The following AKAP6 variants were observed in gnomAD, a reference collection of about 807,000 sequenced individuals.
AKAP6 encodes the protein A-kinase anchoring protein 6.
In AKAP6, 58 loss-of-function variants were observed where a neutral mutation model predicts 188.5. That is an observed-to-expected ratio of 0.31 (90% CI 0.25 to 0.38). The LOEUF is 0.38. AKAP6 is among the 10% of genes least tolerant of loss of function. The pLI, the probability that AKAP6 is intolerant of heterozygous loss-of-function variation, is 1.00. For synonymous variants in AKAP6, 989 were observed against 998.6 expected (o/e 0.99, Z 0.18); for missense variants, 2,710 against 2,740.0 (o/e 0.99, Z 0.24).
chr14:32,686,955 A>G (rs1889952004), intron 8 of AKAP6, among the ~76,000 whole-genome samples: 1 of 152,194 alleles, frequency 6.6e-6, no homozygotes, highest in East Asian at 1.9e-4. Context: ...ACACAGGAAT[A>G]GTTCATCCCT....
intron 11 of AKAP6, among the ~76,000 whole-genome samples, chr14:32,760,118 A>G (rs1328716203): frequency 6.6e-6 from 1 of 152,118 alleles, no homozygotes; most frequent in Non-Finnish European, 1.5e-5. Context: ...GAGACCAAAC[A>G]AGGTTGTTTC....
At chr14:32,587,949 CA>C (rs1885322562) in intron 5 of AKAP6, among the ~76,000 whole-genome samples, 1 of 152,106 alleles carries the variant, frequency 6.6e-6, no homozygotes, top group Admixed American at 6.5e-5. Flanking sequence ...CAGTGAGTAT[CA>C]GGGGTACATG....
chr14:32,646,903 G>A (rs1225112766), intron 7 of AKAP6, among the ~76,000 whole-genome samples: 1 of 152,048 alleles, frequency 6.6e-6, no homozygotes, highest in Non-Finnish European at 1.5e-5. Flanking sequence ...TTTGTATATA[G>A]ACAAGTTAAA....
chr14:32,430,922 C>G (rs1890198647), intron 1 of AKAP6, among the ~76,000 whole-genome samples: 1 of 151,944 alleles, frequency 6.6e-6, no homozygotes. Flanking sequence ...CTGGATAACA[C>G]AGTGAAACCC....
In AKAP6 at chr14:32,719,419, T is replaced by A. The variant is rs568546695; in HGVS notation, c.3001-13035T>A. Reference sequence around the variant, plus strand: ...TTCAGCCTTTATTTAGGCAACTGATTCTCATAGATTTCAAAAGTCACCATG... The same window carrying A: ...TTCAGCCTTTATTTAGGCAACTGATACTCATAGATTTCAAAAGTCACCATG... On this transcript the variant is annotated intron_variant, in intron 9 of 13. Coordinates refer to ENST00000280979, the MANE Select transcript of AKAP6 (RefSeq NM_004274.5). 7.2e-5 allele frequency among the ~76,000 whole-genome samples: 11 copies of A among 152,284 alleles called. No individual in the cohort carries two copies. In the South Asian group the frequency reaches 2.3e-3, roughly 32 times the overall value.
At chr14:32,439,702 A>G (rs541823733) in intron 2 of AKAP6, among the ~76,000 whole-genome samples, 10 of 152,304 alleles carry the variant, frequency 6.6e-5, no homozygotes, top group Non-Finnish European at 1.0e-4. Context: ...ATTCATGGGC[A>G]TATCTAAAAC....
At chr14:32,817,632 G>T (rs2034421031) in intron 12 of AKAP6, among the ~76,000 whole-genome samples, 1 of 151,992 alleles carries the variant, frequency 6.6e-6, no homozygotes, top group South Asian at 2.1e-4. Context: ...TGGAATTGCA[G>T]GCTGTCTTTT....
chr14:32,437,175 C>T (rs941344382), intron 2 of AKAP6, among the ~76,000 whole-genome samples: 3 of 152,154 alleles, frequency 2.0e-5, no homozygotes, highest in South Asian at 2.1e-4. Flanking sequence ...CCCATTGTTA[C>T]ATGGCAGATT....
At chr14:32,815,660 A>G (rs1251373198) in intron 12 of AKAP6, among the ~76,000 whole-genome samples, 2 of 152,180 alleles carry the variant, frequency 1.3e-5, no homozygotes, top group Non-Finnish European at 2.9e-5. Flanking sequence ...AGATTAGTCA[A>G]CCAACCTCCA....
At chr14:32,544,186 C>T (rs1883083805) in intron 3 of AKAP6, among the ~76,000 whole-genome samples, 1 of 152,096 alleles carries the variant, frequency 6.6e-6, no homozygotes, top group African/African-American at 2.4e-5. Context: ...AGTTCTTCCT[C>T]CAGAAAAAAA....
At chr14:32,451,201 A>T (rs1890924052) in intron 2 of AKAP6, among the ~76,000 whole-genome samples, 1 of 152,200 alleles carries the variant, frequency 6.6e-6, no homozygotes, top group Non-Finnish European at 1.5e-5. Context: ...AAAATAAGAT[A>T]TTTTGTTGCT....
chr14:32,493,354 AC>A (rs1449417463), intron 2 of AKAP6, among the ~76,000 whole-genome samples: 2 of 151,868 alleles, frequency 1.3e-5, no homozygotes, highest in Non-Finnish European at 2.9e-5. Flanking sequence ...ACAGGCTTGT[AC>A]CACTACACCT....
chr14:32,682,293 G>A (rs1361102646), intron 8 of AKAP6, among the ~76,000 whole-genome samples: 1 of 152,198 alleles, frequency 6.6e-6, no homozygotes, highest in Non-Finnish European at 1.5e-5. Context: ...TTACAGTCTA[G>A]CAAGAGAGTG....
At chr14:32,412,549 A>G (rs949588344) in intron 1 of AKAP6, among the ~76,000 whole-genome samples, 1 of 152,234 alleles carries the variant, frequency 6.6e-6, no homozygotes, top group African/African-American at 2.4e-5. Context: ...TATGTATACA[A>G]AAATAATGCA....
chr14:32,375,386 T>G (rs1888127630), intron 1 of AKAP6, among the ~76,000 whole-genome samples: 1 of 152,110 alleles, frequency 6.6e-6, no homozygotes, highest in Non-Finnish European at 1.5e-5. Context: ...GTTCAGGTGT[T>G]GTTTGGAAGT....
Position 32,823,904 on chromosome 14 carries a change from G to A in AKAP6, c.6091G>A (p.Ala2031Thr). 6.2e-7 allele frequency: 1 copy of A among 1,613,900 alleles called. No individual in the cohort carries two copies. Among genetic ancestry groups the A allele is most frequent in the Non-Finnish European group, 8.5e-7 (1 of 1,179,938 alleles). The change falls in exon 13 of 14, where the codon GCT (alanine) becomes ACT (threonine). Residue 2031 changes from alanine to threonine, a missense_variant. By Grantham distance (58) the Ala-to-Thr change is moderately conservative (BLOSUM62 0). Coordinates refer to ENST00000280979, the MANE Select transcript of AKAP6 (RefSeq NM_004274.5). The part of the protein sequence containing the change: ...ALEQNGTEEN[A>T]SISNISCCNC... ...TGAACAAAACGGAACAGAGGAAAAT[G>A]CTTCTATCAGCAACATTTCCTGTTG... is the stretch of plus-strand genomic sequence containing the variant.
At chr14:32,366,692 C>CTG (rs151075596) in intron 1 of AKAP6, among the ~76,000 whole-genome samples, 3 of 151,656 alleles carry the variant, frequency 2.0e-5, no homozygotes, top group Non-Finnish European at 2.9e-5. Flanking sequence ...TGAAAATGCT[C>CTG]TGTGTGTGTG....
intron 7 of AKAP6, among the ~76,000 whole-genome samples, chr14:32,603,324 A>G (rs924770306): frequency 6.6e-6 from 1 of 152,146 alleles, no homozygotes; most frequent in African/African-American, 2.4e-5. Flanking sequence ...CAGAGATGGC[A>G]CAATGACCTA....
chr14:32,721,943 C>G (rs2030560594), intron 9 of AKAP6, among the ~76,000 whole-genome samples: 1 of 152,206 alleles, frequency 6.6e-6, no homozygotes, highest in South Asian at 2.1e-4. Context: ...GTAGACTTCT[C>G]ATCTCTGCCT....
Sources: allele counts gnomAD v4.1 joint callset (sites outside exome capture counted in the v4.1 genomes callset), GRCh38; gene constraint gnomAD v4.1.1; transcripts MANE v1.5; gene names NCBI Gene and HGNC (gene_info 2026-07-23, HGNC 2026-07-21).